The following ATP8B1 variants were observed in gnomAD, a reference collection of about 807,000 sequenced individuals.
ATP8B1 encodes the protein ATPase phospholipid transporting 8B1.
In ATP8B1, 80 loss-of-function variants were observed where a neutral mutation model predicts 149.9. The ratio of observed to expected loss-of-function variants is 0.53; its 90% CI spans 0.45 to 0.64. The LOEUF (loss-of-function observed/expected upper bound fraction) is 0.64. ATP8B1 is among the 30% of genes least tolerant of loss of function. The probability of loss-of-function intolerance (pLI) is 0.00; values close to 1 mark genes in which losing one functional copy is unlikely to be tolerated. For missense variants in ATP8B1, 1,247 were observed against 1,552.6 expected (o/e 0.80, Z 3.31); for synonymous variants, 536 against 562.8 (o/e 0.95, Z 0.67).
At chr18:57,797,759 G>A (rs1164687447) in intron 1 of ATP8B1, among the ~76,000 whole-genome samples, 1 of 144,470 alleles carries the variant, frequency 6.9e-6, no homozygotes, top group East Asian at 2.0e-4. Context: ...CCAGGCTGGA[G>A]TACAATGGCA....
intron 8 of ATP8B1, among the ~76,000 whole-genome samples, chr18:57,696,019 G>A (rs112338855): frequency 2.6e-5 from 4 of 152,280 alleles, no homozygotes; most frequent in African/African-American, 9.6e-5. Flanking sequence ...ACTCCCAACT[G>A]CCCCACCATA....
intron 1 of ATP8B1, among the ~76,000 whole-genome samples, chr18:57,798,484 C>A (rs1051925991): frequency 6.6e-6 from 1 of 151,890 alleles, no homozygotes; most frequent in Non-Finnish European, 1.5e-5. Context: ...TGGTCCCAGC[C>A]ACTTGAGAGC....
At chr18:57,673,332 T>A (rs1911384379) in intron 16 of ATP8B1, among the ~76,000 whole-genome samples, 1 of 151,846 alleles carries the variant, frequency 6.6e-6, no homozygotes, top group Non-Finnish European at 1.5e-5. Context: ...AGAATGAACC[T>A]CCCTGGTAAA....
At chr18:57,778,800 G>T (rs2080333643) in intron 1 of ATP8B1, among the ~76,000 whole-genome samples, 1 of 152,178 alleles carries the variant, frequency 6.6e-6, no homozygotes, top group Non-Finnish European at 1.5e-5. Flanking sequence ...ATCAGCAAGA[G>T]GGAAGTGGGG....
chr18:57,776,945 CA>C (rs753139369), intron 1 of ATP8B1, among the ~76,000 whole-genome samples: 2 of 151,600 alleles, frequency 1.3e-5, no homozygotes, highest in African/African-American at 2.4e-5. Flanking sequence ...GATCGTTATG[CA>C]ATCTGTTATC....
Position 57,706,594 on chromosome 18 carries a change from A to G in ATP8B1, c.182-7T>C, listed in dbSNP as rs1480466422. 1 of 1,611,020 alleles carries G rather than the reference A, an allele frequency of 6.2e-7. No homozygotes were observed. ...TTGACTTGCCATGTACATTCTTTAA[A>G]AAAAAGGGAGAAAAGTTCGTAAGTA... On this transcript the variant is annotated splice_region_variant and splice_polypyrimidine_tract_variant and intron_variant, in intron 2 of 27. Coordinates refer to ENST00000648908, the MANE Select transcript of ATP8B1 (RefSeq NM_001374385.1).
intron 15 of ATP8B1, among the ~76,000 whole-genome samples, chr18:57,681,036 T>C (rs1339143381): frequency 6.6e-6 from 1 of 152,214 alleles, no homozygotes; most frequent in Admixed American, 6.5e-5. Flanking sequence ...TGAAGGGAAT[T>C]TGCAGATGTG....
chr18:57,795,881 A>G (rs2123466042), intron 1 of ATP8B1, among the ~76,000 whole-genome samples: 2 of 152,216 alleles, frequency 1.3e-5, no homozygotes, highest in South Asian at 4.2e-4. Flanking sequence ...ACATTTAAAA[A>G]AAAAAAGTCA....
intron 20 of ATP8B1, among the ~76,000 whole-genome samples, chr18:57,666,586 A>G (rs1910873808): frequency 6.7e-6 from 1 of 148,764 alleles, no homozygotes; most frequent in African/African-American, 2.5e-5. Context: ...CCTAGGCTGG[A>G]GTACAGTGGC....
chr18:57,692,149 A>G (rs1912565476), intron 11 of ATP8B1, 152 bp from the exon 12 acceptor site: 2 of 1,288,850 alleles, frequency 1.6e-6, no homozygotes, highest in Non-Finnish European at 2.1e-6. Context: ...CAGCACTATC[A>G]TAACGCTTTG....
chr18:57,699,727 A>AT lies in ATP8B1; in HGVS notation c.554+1311dup, dbSNP rs570530135. The stretch of plus-strand genomic sequence containing the variant: ...CAGAGCGAGACTCCGTCTCAAAAAA[A>AT]TAAAAAAAAAGACAGGAGTCTCACT... On this transcript the variant is annotated intron_variant, in intron 6 of 27. Coordinates refer to ENST00000648908, the MANE Select transcript of ATP8B1 (RefSeq NM_001374385.1). Among the ~76,000 whole-genome samples, 137 of 102,264 alleles carry AT rather than the reference A, an allele frequency of 1.3e-3. 2 individuals carry two copies. The Middle Eastern group carries it at 0.018, about 14-fold the overall frequency. 67.1% of individuals were successfully genotyped at this position (102,264 alleles called of 152,430 possible). A position where few individuals can be genotyped will look rare whatever the true frequency, so the allele number is the denominator to read the frequency against.
intron 15 of ATP8B1, among the ~76,000 whole-genome samples, chr18:57,676,396 A>T (rs1260598409): frequency 1.3e-5 from 2 of 150,332 alleles, no homozygotes; most frequent in Non-Finnish European, 3.0e-5. Context: ...TACCATAGCT[A>T]TATTCTCCTT....
At chr18:57,783,307 C>T (rs1355292223) in intron 1 of ATP8B1, among the ~76,000 whole-genome samples, 1 of 152,238 alleles carries the variant, frequency 6.6e-6, no homozygotes, top group African/African-American at 2.4e-5. Context: ...ATTTATATAT[C>T]TTTATGTTTA....
At chr18:57,778,541 T>A (rs1315151945) in intron 1 of ATP8B1, among the ~76,000 whole-genome samples, 3 of 152,060 alleles carry the variant, frequency 2.0e-5, no homozygotes, top group Non-Finnish European at 4.4e-5. Context: ...ATAATCTCAG[T>A]TTCAATGGAT....
At chr18:57,774,773 A>G (rs1374706698) in intron 1 of ATP8B1, among the ~76,000 whole-genome samples, 1 of 152,132 alleles carries the variant, frequency 6.6e-6, no homozygotes, top group Non-Finnish European at 1.5e-5. Context: ...ACCTATTAAT[A>G]AGGCTCCCTG....
chr18:57,651,798 A>AT lies in ATP8B1; in HGVS notation c.3400+235dup, dbSNP rs66785255. 2.6e-5 allele frequency among the ~76,000 whole-genome samples: 4 copies of AT among 151,036 alleles called. No individual in the cohort carries two copies. The South Asian group carries it at 6.3e-4, about 24-fold the overall frequency. On this transcript the variant is annotated intron_variant, in intron 26 of 27. Coordinates refer to ENST00000648908, the MANE Select transcript of ATP8B1 (RefSeq NM_001374385.1). ...AGGCATGTGCCACCATGCCTGGCTA[A>AT]TTTTTTTGTATTTTTTGTAGAGATG...
chr18:57,688,442 T>G lies in ATP8B1; in HGVS notation c.1286A>C (p.Glu429Ala), dbSNP rs34018205. The change falls in exon 13 of 28, where the codon GAG (glutamate) becomes GCG (alanine). Residue 429 changes from glutamate to alanine, a missense_variant. Around this residue, in one of 3 missense-constraint regions of ATP8B1, gnomAD observed 853 missense variants for 1,035.7 expected, o/e 0.82. Coordinates refer to ENST00000648908, the MANE Select transcript of ATP8B1 (RefSeq NM_001374385.1). The part of the protein sequence containing the change: ...INWDLQMYYA[E>A]KDTPAKARTT... ...TCTAGCTTTTGCGGGTGTGTCCTTC[T>G]CAGCATAGTACATTTGCAGGTCCCA... 698 of 1,614,202 alleles carry G rather than the reference T, an allele frequency of 4.3e-4. 4 individuals are homozygous for G. In the African/African-American group the frequency reaches 6.7e-3, roughly 15 times the overall value.
Position 57,760,175 on chromosome 18 carries a change from C to T in ATP8B1, c.-25-28343G>A, listed in dbSNP as rs2080134578. ...GGAAAAAATGACTAAAAATTATCCT[C>T]CCACATAGTGATTTTAATTCCCGGT... On this transcript the variant is annotated intron_variant, in intron 1 of 27. Coordinates refer to ENST00000648908, the MANE Select transcript of ATP8B1 (RefSeq NM_001374385.1). Among the ~76,000 whole-genome samples the T allele has an allele frequency of 3.3e-5, 5 of 152,190 alleles. No individual in the cohort carries two copies. The South Asian group carries it at 1.0e-3, about 32-fold the overall frequency.
intron 1 of ATP8B1, among the ~76,000 whole-genome samples, chr18:57,791,347 TTTTC>T (rs201192409): frequency 0.19 from 23,926 of 126,648 alleles, 2,266 homozygotes; most frequent in Non-Finnish European, 0.25. Context: ...TTTTCTTTTC[TTTTC>T]TTTTTTTTTT....
Sources: allele counts gnomAD v4.1 joint callset (sites outside exome capture counted in the v4.1 genomes callset), GRCh38; gene constraint gnomAD v4.1.1; regional missense constraint gnomAD v4.1.1; transcripts MANE v1.5; gene names NCBI Gene and HGNC (gene_info 2026-07-23, HGNC 2026-07-21).